The following LPA variants were observed in gnomAD, a reference collection of about 807,000 sequenced individuals.
LPA encodes lipoprotein(a), also known as apolipoprotein(a).
In LPA, 199 loss-of-function variants were observed where a neutral mutation model predicts 197.9. The observed-to-expected ratio is 1.01, with a 90% CI of 0.90 to 1.13. The LOEUF is 1.13. LPA is among the 50% of genes most tolerant of loss of function. The pLI is 0.00. For synonymous variants in LPA, 715 were observed against 639.5 expected, an observed-to-expected ratio of 1.12 and a Z score of -1.78; for missense variants, 1,853 against 1,785.8, an observed-to-expected ratio of 1.04 and a Z score of -0.68.
At chr6:160,656,718 C>A (rs1457446913) in intron 1 of LPA, among the ~76,000 whole-genome samples, 1 of 152,170 alleles carries the variant, frequency 6.6e-6, no homozygotes, top group Non-Finnish European at 1.5e-5. Context: ...TAGTGGTGTC[C>A]TTCCTCAAGG....
rs781720212 is a variant in LPA at position 160,540,037 on chromosome 6, G to A, written c.5735+6C>T. The A allele has an allele frequency of 3.5e-5, 56 of 1,614,078 alleles. No individual in the cohort carries two copies. The highest frequency in any genetic ancestry group is 4.6e-5 in the Non-Finnish European group (54 of 1,180,014). ...CGTGGGGTGAAGACCACAGGTGAGCGAGTACCTGCTTAGCTTTAGCAAGGC... is the reference window on the plus strand; with the variant it reads ...CGTGGGGTGAAGACCACAGGTGAGCAAGTACCTGCTTAGCTTTAGCAAGGC... On this transcript the variant is annotated splice_donor_region_variant and intron_variant, in intron 36 of 38. Coordinates refer to ENST00000316300, the MANE Select transcript of LPA (RefSeq NM_005577.4).
At chr6:160,581,073 T>A (rs1477792578) in intron 26 of LPA, among the ~76,000 whole-genome samples, 1 of 152,150 alleles carries the variant, frequency 6.6e-6, no homozygotes, top group Non-Finnish European at 1.5e-5. Flanking sequence ...CTAAGAGCTA[T>A]CTCAAATTAA....
intron 28 of LPA, among the ~76,000 whole-genome samples, chr6:160,573,083 G>A (rs567453089): frequency 6.6e-6 from 1 of 151,920 alleles, no homozygotes; most frequent in African/African-American, 2.4e-5. Flanking sequence ...CTTATATTTG[G>A]TCATTTAACA....
intron 4 of LPA, among the ~76,000 whole-genome samples, 165 bp from the exon 5 acceptor site, chr6:160,641,013 A>G (rs1341105778): frequency 2.9e-5 from 4 of 136,652 alleles, no homozygotes; most frequent in Non-Finnish European, 3.2e-5. Context: ...TCGATCACTA[A>G]TCCTCTCTGC....
chr6:160,597,319 G>T (rs576634701), intron 20 of LPA, among the ~76,000 whole-genome samples: 17 of 152,304 alleles, frequency 1.1e-4, no homozygotes, highest in African/African-American at 3.4e-4. Context: ...TCTCTCTTCA[G>T]TTGTGTCAGT....
At chr6:160,656,780 G>T (rs1283443081) in intron 1 of LPA, among the ~76,000 whole-genome samples, 1 of 152,156 alleles carries the variant, frequency 6.6e-6, no homozygotes, top group African/African-American at 2.4e-5. Context: ...ACAGGTTCGA[G>T]TCTGGAAATT....
intron 28 of LPA, among the ~76,000 whole-genome samples, chr6:160,576,401 T>C (rs1376025931): frequency 6.0e-4 from 34 of 56,674 alleles, no homozygotes; most frequent in African/African-American, 3.5e-3. Context: ...TATATATATA[T>C]ATATATATAT....
intron 7 of LPA, among the ~76,000 whole-genome samples, chr6:160,634,479 C>T (rs1779760656): frequency 7.5e-6 from 1 of 133,398 alleles, no homozygotes; most frequent in Admixed American, 7.3e-5. Flanking sequence ...GGAATCTTCT[C>T]ATGCCCTGCA....
rs186716555 is a variant in LPA at position 160,584,045 on chromosome 6, C to T, written c.4289+1001G>A. Reference sequence around the variant, plus strand: ...ATCACCACATCTGTTTACTTCCTGACTCTCATCTGCATTCCTGCTTTTACT... The same window carrying T: ...ATCACCACATCTGTTTACTTCCTGATTCTCATCTGCATTCCTGCTTTTACT... On this transcript the variant is annotated intron_variant, in intron 26 of 38. Transcript: ENST00000316300. 3.3e-5 allele frequency among the ~76,000 whole-genome samples: 5 copies of T among 152,242 alleles called. No homozygotes were observed. In the East Asian group the frequency reaches 7.7e-4, roughly 24 times the overall value.
rs114441771 is a variant in LPA at position 160,532,622 on chromosome 6, T to C, written c.5870A>G (p.Glu1957Gly). The C allele has an allele frequency of 6.2e-7, 1 of 1,612,152 alleles. No homozygotes were observed. The highest frequency in any genetic ancestry group is 8.5e-7 in the Non-Finnish European group (1 of 1,178,368). The change falls in exon 38 of 39, where the codon GAA (glutamate) becomes GGA (glycine). Residue 1957 changes from glutamate to glycine, a missense_variant. Physicochemically the swap from Glu to Gly is moderately conservative, Grantham distance 98 (BLOSUM62 -2). Around this residue, in one of 3 missense-constraint regions of LPA, gnomAD observed 1,737 missense variants for 1,504.4 expected, o/e 1.15. Transcript: ENST00000316300. ...ATTCTCAATAACAAGGAGCTGGGCTTCCTTGAGAAGGCCAGTCCCAAAGGT... is the reference window on the plus strand; with the variant it reads ...ATTCTCAATAACAAGGAGCTGGGCTCCCTTGAGAAGGCCAGTCCCAAAGGT... Reference protein sequence around the residue: ...QGTFGTGLLKEAQLLVIENEV... With the variant: ...QGTFGTGLLKGAQLLVIENEV...
chr6:160,548,804 A>G, intron 30 of LPA, 145 bp from the exon 31 acceptor site: 1 of 810,962 alleles, frequency 1.2e-6, no homozygotes, highest in Non-Finnish European at 2.1e-6. Flanking sequence ...GCCACAACAC[A>G]AATGTTCCTC....
chr6:160,592,043 C>T (rs1486269592), intron 22 of LPA, among the ~76,000 whole-genome samples: 1 of 152,164 alleles, frequency 6.6e-6, no homozygotes, highest in African/African-American at 2.4e-5. Flanking sequence ...AGCTTCATGA[C>T]TATGAATTTC....
At position 160,635,126 on chromosome 6, in the gene LPA, G is replaced by A. The variant is rs1406194254; in HGVS notation, c.1072C>T (p.Gln358Ter). 4 of 1,477,152 alleles carry A rather than the reference G, an allele frequency of 2.7e-6. No individual in the cohort carries two copies. The highest frequency in any genetic ancestry group is 1.1e-5 in the South Asian group (1 of 88,160). The allele number at this position is 1,477,152 out of a possible 1,614,324, so 91.5% of individuals were successfully genotyped here. Residue 358 changes from glutamine (Q) to a stop codon, truncating the protein, a stop_gained, in exon 7 of 39, where the codon CAA becomes TAA. Coordinates refer to ENST00000316300, the MANE Select transcript of LPA (RefSeq NM_005577.4). LOFTEE classifies it high-confidence loss of function. ...TGTCTGGCCACAGACTCCTTACCTT[G>A]TTCGGAAGGAGCCTCTAGGCTTGGA... The part of the protein sequence containing the change: ...PVPSLEAPSE[Q>*]APTEQRPGVQ...
intron 16 of LPA, among the ~76,000 whole-genome samples, chr6:160,606,917 C>T (rs986806960): frequency 6.6e-6 from 1 of 152,142 alleles, no homozygotes; most frequent in African/African-American, 2.4e-5. Flanking sequence ...ATAATACATA[C>T]ACGTGGGCAA....
Position 160,608,187 on chromosome 6 carries a change from A to G in LPA, c.2604-1529T>C, listed in dbSNP as rs1779401729. ...GGTTCTTCATTACATGGGCTGCAGA[A>G]AGTTCCCTTCTTGTACTATTCTTCT... On this transcript the variant is annotated intron_variant, in intron 16 of 38. Transcript: ENST00000316300. Among the ~76,000 whole-genome samples, 3 of 152,282 alleles carry G rather than the reference A, an allele frequency of 2.0e-5. No individual in the cohort carries two copies. The South Asian group carries it at 6.2e-4, about 32-fold the overall frequency.
At chr6:160,575,138 T>C (rs1778632252) in intron 28 of LPA, among the ~76,000 whole-genome samples, 1 of 152,204 alleles carries the variant, frequency 6.6e-6, no homozygotes, top group South Asian at 2.1e-4. Flanking sequence ...ATCATACATT[T>C]TTACTTTTCA....
At chr6:160,593,880 G>T (rs1779078915) in intron 22 of LPA, 78 bp downstream of exon 22, 1 of 1,552,542 alleles carries the variant, frequency 6.4e-7, no homozygotes, top group Non-Finnish European at 8.9e-7. Flanking sequence ...GTCATAAGAA[G>T]TTAGTTGGAA....
intron 28 of LPA, among the ~76,000 whole-genome samples, chr6:160,564,713 G>T (rs890570417): frequency 1.3e-5 from 2 of 152,218 alleles, no homozygotes; most frequent in African/African-American, 4.8e-5. Flanking sequence ...CCTCACCCGG[G>T]AAGTGTAAGG....
At chr6:160,555,241 T>TATATC (rs1251388438) in intron 30 of LPA, among the ~76,000 whole-genome samples, 6 of 76,828 alleles carry the variant, frequency 7.8e-5, no homozygotes, top group African/African-American at 1.7e-4. Flanking sequence ...ATATATTAAT[T>TATATC]ATATTATATT....
Sources: allele counts gnomAD v4.1 joint callset (sites outside exome capture counted in the v4.1 genomes callset), GRCh38; gene constraint gnomAD v4.1.1; regional missense constraint gnomAD v4.1.1; transcripts MANE v1.5; gene names NCBI Gene and HGNC (gene_info 2026-07-23, HGNC 2026-07-21).